SLC34A1: variants seen among roughly 807,000 people sequenced by gnomAD.
SLC34A1 encodes the protein solute carrier family 34 member 1, also known as sodium-dependent phosphate transport protein 2A.
A neutral mutation model predicts 51.4 loss-of-function variants in SLC34A1; 57 were observed. The ratio of observed to expected loss-of-function variants is 1.11; its 90% confidence interval spans 0.90 to 1.38. SLC34A1 has a LOEUF of 1.38. Among genes scored for constraint, SLC34A1 ranks in the 40% most tolerant of loss-of-function variants. The pLI is 0.00. For missense variants in SLC34A1, 796 were observed against 835.6 expected (o/e 0.95, Z 0.58); for synonymous variants, 368 against 358.0 (o/e 1.03, Z -0.32).
intron 10 of SLC34A1, among the ~76,000 whole-genome samples, chr5:177,395,890 T>C (rs1762939408): frequency 6.6e-6 from 1 of 152,174 alleles, no homozygotes; most frequent in Admixed American, 6.5e-5. Flanking sequence ...CGCCTTGGCC[T>C]CCCAAAGTGC....
chr5:177,387,331 C>G (rs1326356126), intron 5 of SLC34A1, among the ~76,000 whole-genome samples: 1 of 152,120 alleles, frequency 6.6e-6, no homozygotes, highest in Non-Finnish European at 1.5e-5. Flanking sequence ...GGAGGCAGAG[C>G]TTGCAGTGAG....
chr5:177,386,367 G>A lies in SLC34A1; in HGVS notation c.388+18G>A. On this transcript the variant is annotated intron_variant, in intron 4 of 12. Coordinates refer to ENST00000324417, the MANE Select transcript of SLC34A1 (RefSeq NM_003052.5). The surrounding 1 kb of genome is among the most constrained non-coding windows in gnomAD (Gnocchi z 4.8). ...GGCTGGAGGTAGGGCCCGGGTGGAGGAGACCTGGGAGGGGTTCCTGAAGGG... is the reference window on the plus strand; with the variant it reads ...GGCTGGAGGTAGGGCCCGGGTGGAGAAGACCTGGGAGGGGTTCCTGAAGGG... 8 of 1,614,262 alleles carry A rather than the reference G, an allele frequency of 5.0e-6. No individual in the cohort carries two copies. The highest frequency in any genetic ancestry group is 6.8e-6 in the Non-Finnish European group (8 of 1,180,044).
At chr5:177,387,656 A>G in intron 5 of SLC34A1, 106 bp from the exon 6 acceptor site, 1 of 922,676 alleles carries the variant, frequency 1.1e-6, no homozygotes, top group Non-Finnish European at 1.8e-6. Flanking sequence ...GCATGGCAGG[A>G]GCGGCCACTG....
intron 8 of SLC34A1, among the ~76,000 whole-genome samples, chr5:177,390,817 C>T (rs1762777494): frequency 6.6e-6 from 1 of 152,020 alleles, no homozygotes; most frequent in Admixed American, 6.6e-5. Flanking sequence ...CTCCTTCAGT[C>T]CCCAGAAGGG....
rs1762942867 is a variant in SLC34A1, at chr5:177,396,050, G to A, written c.1175-683G>A. Among the ~76,000 whole-genome samples the A allele has an allele frequency of 6.6e-6, 1 of 152,172 alleles. No homozygotes were observed. The highest frequency in any genetic ancestry group is 1.5e-5 in the Non-Finnish European group (1 of 68,030). Reference sequence around the variant, plus strand: ...CCAACTCAGCATCCCAAAGTGCTGGGATTATAGGTGTGAGCCACCTTGCCC... The same window carrying A: ...CCAACTCAGCATCCCAAAGTGCTGGAATTATAGGTGTGAGCCACCTTGCCC... On this transcript the variant is annotated intron_variant, in intron 10 of 12. Coordinates refer to ENST00000324417, the MANE Select transcript of SLC34A1 (RefSeq NM_003052.5). The surrounding 1 kb of genome is among the most constrained non-coding windows in gnomAD (Gnocchi z 4.0).
At chr5:177,387,093 G>A (rs1195253405) in intron 5 of SLC34A1, among the ~76,000 whole-genome samples, 5 of 151,990 alleles carry the variant, frequency 3.3e-5, no homozygotes, top group African/African-American at 4.8e-5. Context: ...ATCACTGGCC[G>A]GGCGCAGTGG....
intron 10 of SLC34A1, among the ~76,000 whole-genome samples, chr5:177,395,692 G>A (rs140963883): frequency 3.9e-5 from 6 of 152,284 alleles, no homozygotes; most frequent in Non-Finnish European, 7.4e-5. Context: ...GAGTGCAGTG[G>A]TGCAATCTCA....
At position 177,390,466 on chromosome 5, in the gene SLC34A1, C is replaced by T. The variant is rs556215325; in HGVS notation, c.936+2094C>T. ...GCCCCAGAGAAGTGCAGTGGCTTGC[C>T]CAAGTCCATGTAATTGAGGTAGGAT... On this transcript the variant is annotated intron_variant, in intron 8 of 12. Transcript: ENST00000324417. 2.1e-4 allele frequency: 157 copies of T among 751,304 alleles called. 2 individuals are homozygous for T. In the South Asian group the frequency reaches 7.0e-3, roughly 33 times the overall value. 46.5% of individuals were successfully genotyped at this position (751,304 alleles called of 1,614,324 possible). A position where few individuals can be genotyped will look rare whatever the true frequency, so the allele number is the denominator to read the frequency against.
chr5:177,387,658 C>A, intron 5 of SLC34A1, 104 bp from the exon 6 acceptor site: 2 of 941,178 alleles, frequency 2.1e-6, no homozygotes, highest in Non-Finnish European at 3.4e-6. Flanking sequence ...ATGGCAGGAG[C>A]GGCCACTGGG....
intron 12 of SLC34A1, chr5:177,397,446 G>C: frequency 4.0e-6 from 2 of 505,096 alleles, no homozygotes; most frequent in South Asian, 4.1e-5. Context: ...GACAAGCCAA[G>C]GCACTGACTG....
Position 177,388,380 on chromosome 5 carries a change from C to G in SLC34A1, c.936+8C>G. On this transcript the variant is annotated splice_region_variant and intron_variant, in intron 8 of 12. Transcript: ENST00000324417. This position sits in a 1 kb window ranked among gnomAD's most constrained non-coding sequence, Gnocchi z 4.3. ...CACCCAGACTCCTTACAGGTGAGTC[C>G]CAGGCCTAACCCCAGGTAAGAGGAC... 3 of 1,608,840 alleles carry G rather than the reference C, an allele frequency of 1.9e-6. No individual in the cohort carries two copies. In the South Asian group the frequency reaches 3.3e-5, roughly 18 times the overall value.
intron 2 of SLC34A1, 52 bp downstream of exon 2, chr5:177,385,902 C>T (rs1290478143): frequency 6.2e-7 from 1 of 1,610,396 alleles, no homozygotes; most frequent in Non-Finnish European, 8.5e-7. Flanking sequence ...TTGCCCACAT[C>T]CCGGATGAGG....
At position 177,396,967 on chromosome 5, in the gene SLC34A1, A is replaced by G; in HGVS notation, c.1309A>G (p.Ile437Val). ...TPLIGLGVIS[I>V]ERAYPLTLGS... ...GTCCCCAGGTCTTGGTGTGATCAGCATTGAGAGGGCCTACCCGCTCACACT... is the reference window on the plus strand; with the variant it reads ...GTCCCCAGGTCTTGGTGTGATCAGCGTTGAGAGGGCCTACCCGCTCACACT... The change falls in exon 12 of 13, where the codon ATT (isoleucine) becomes GTT (valine). Residue 437 changes from isoleucine (I) to valine (V), a missense_variant. Transcript: ENST00000324417. The surrounding 1 kb of genome is among the most constrained non-coding windows in gnomAD (Gnocchi z 4.0). The G allele has an allele frequency of 6.2e-7, 1 of 1,614,140 alleles. No individual in the cohort carries two copies. Among genetic ancestry groups the G allele is most frequent in the Non-Finnish European group, 8.5e-7 (1 of 1,180,020 alleles).
At chr5:177,395,125 T>A (rs374112988) in intron 10 of SLC34A1, among the ~76,000 whole-genome samples, 2 of 151,842 alleles carry the variant, frequency 1.3e-5, no homozygotes, top group Admixed American at 1.3e-4. Flanking sequence ...TGAGCTATGA[T>A]GGCACCACTG....
rs986433763 is a variant in SLC34A1 at position 177,388,592 on chromosome 5, T to C, written c.936+220T>C. On this transcript the variant is annotated intron_variant, in intron 8 of 12. Transcript: ENST00000324417. The surrounding 1 kb of genome is among the most constrained non-coding windows in gnomAD (Gnocchi z 4.3). Reference sequence around the variant, plus strand: ...CCAATCAATTAAAGTTGTTATGTAATTGATCTAGCCCAGTGGTTCTTGAAG... The same window carrying C: ...CCAATCAATTAAAGTTGTTATGTAACTGATCTAGCCCAGTGGTTCTTGAAG... 3.9e-5 allele frequency among the ~76,000 whole-genome samples: 6 copies of C among 152,134 alleles called. No homozygotes were observed. The highest frequency in any genetic ancestry group is 5.9e-5 in the Non-Finnish European group (4 of 68,024).
intron 8 of SLC34A1, among the ~76,000 whole-genome samples, chr5:177,390,948 A>C (rs1762781392): frequency 6.6e-6 from 1 of 152,168 alleles, no homozygotes; most frequent in Admixed American, 6.5e-5. Context: ...GCAGAGGAGG[A>C]AACTGAGGCC....
intron 1 of SLC34A1, 88 bp from the exon 2 acceptor site, chr5:177,385,607 G>A: frequency 2.8e-6 from 2 of 716,960 alleles, no homozygotes; most frequent in Middle Eastern, 2.6e-4. Flanking sequence ...GCTTTGCTAG[G>A]TGTGTATTTG....
intron 8 of SLC34A1, among the ~76,000 whole-genome samples, chr5:177,393,448 C>T (rs570301045): frequency 6.6e-6 from 1 of 152,196 alleles, no homozygotes; most frequent in South Asian, 2.1e-4. Context: ...GGATGTGGCC[C>T]CAGGGAGAGC....
At chr5:177,393,896 T>C in intron 9 of SLC34A1, 132 bp from the exon 10 acceptor site, 1 of 1,485,226 alleles carries the variant, frequency 6.7e-7, no homozygotes, top group East Asian at 2.3e-5. Context: ...CTCCTGAGCC[T>C]GGGTCAAGCT....
Sources: gnomAD v4.1 joint callset for allele counts (sites outside exome capture counted in the v4.1 genomes callset) on GRCh38, gnomAD v4.1.1 for gene constraint, Gnocchi (gnomAD v3.1) non-coding constraint, MANE v1.5 for transcripts, NCBI Gene and HGNC (gene_info 2026-07-23, HGNC 2026-07-21) for gene names.